Variants in RBFOX1 observed in about 807,000 individuals in gnomAD.
RBFOX1 encodes the protein RNA binding fox-1 homolog 1.
In RBFOX1, 8 loss-of-function variants were observed where a neutral mutation model predicts 57.7. The ratio of observed to expected loss-of-function variants is 0.14; its 90% confidence interval spans 0.08 to 0.25. The LOEUF is 0.25. Among genes scored for constraint, RBFOX1 ranks in the 10% least tolerant of loss-of-function variants. The probability of loss-of-function intolerance (pLI) is 1.00; values close to 1 mark genes in which losing one functional copy is unlikely to be tolerated. For synonymous variants in RBFOX1, 326 were observed against 222.4 expected, an observed-to-expected ratio of 1.47 and a Z score of -4.15; for missense variants, 611 against 548.5, an observed-to-expected ratio of 1.11 and a Z score of -1.14.
intron 3 of RBFOX1, among the ~76,000 whole-genome samples, chr16:6,802,458 C>T (rs2085704921): frequency 6.6e-6 from 1 of 152,126 alleles, no homozygotes; most frequent in Non-Finnish European, 1.5e-5. Context: ...GGGCACATCA[C>T]CTGAGGTCAG....
At position 6,560,956 on chromosome 16, in the gene RBFOX1, C is replaced by CTGTA. The variant is rs1315768251; in HGVS notation, c.-63-93646_-63-93643dup. Among the ~76,000 whole-genome samples the CTGTA allele has an allele frequency of 1.3e-4, 20 of 152,310 alleles. No homozygotes were observed. The East Asian group carries it at 3.7e-3, about 28-fold the overall frequency. ...GGCATTCATCCCTCAGAGGCATGTGCTGTAGATAGTCAATGTGCAAATTTC... is the reference window on the plus strand; with the variant it reads ...GGCATTCATCCCTCAGAGGCATGTGCTGTATGTAGATAGTCAATGTGCAAATTTC... On this transcript the variant is annotated intron_variant, in intron 2 of 15. Coordinates refer to ENST00000550418, the MANE Select transcript of RBFOX1 (RefSeq NM_018723.4).
chr16:5,587,188 A>G (rs1429004563), intron 2 of RBFOX1, among the ~76,000 whole-genome samples: 1 of 152,204 alleles, frequency 6.6e-6, no homozygotes, highest in African/African-American at 2.4e-5. Flanking sequence ...ATATATGCAA[A>G]TTGCATATCT....
At chr16:7,315,297 T>A (rs529019050) in intron 4 of RBFOX1, among the ~76,000 whole-genome samples, 1 of 152,254 alleles carries the variant, frequency 6.6e-6, no homozygotes, top group East Asian at 1.9e-4. Context: ...GTAATATTTT[T>A]GTCTATGATA....
At chr16:6,130,082 A>C (rs2096619271) in intron 1 of RBFOX1, among the ~76,000 whole-genome samples, 1 of 152,200 alleles carries the variant, frequency 6.6e-6, no homozygotes, top group Admixed American at 6.5e-5. Flanking sequence ...GATATAATGA[A>C]GTAAAAATAG....
chr16:5,873,689 G>T (rs192199536), intron 4 of RBFOX1, among the ~76,000 whole-genome samples: 95 of 152,312 alleles, frequency 6.2e-4, no homozygotes, highest in African/African-American at 2.2e-3. Context: ...AAATGCTGTA[G>T]TTTCACTTGT....
chr16:6,655,993 A>G (rs1307497449), intron 3 of RBFOX1, among the ~76,000 whole-genome samples: 4 of 152,208 alleles, frequency 2.6e-5, no homozygotes, highest in African/African-American at 7.2e-5. Flanking sequence ...AGTAAGTTCA[A>G]TTCAATCTGC....
chr16:6,948,253 G>A (rs1486868381), intron 3 of RBFOX1, among the ~76,000 whole-genome samples: 1 of 151,630 alleles, frequency 6.6e-6, no homozygotes, highest in African/African-American at 2.4e-5. Flanking sequence ...GCAATATTAT[G>A]AGACCATATC....
Position 5,651,040 on chromosome 16 carries a change from C to CTTTTTTTTTTTTT in RBFOX1, c.318+52097_318+52109dup, listed in dbSNP as rs869240597. On this transcript the variant is annotated intron_variant, in intron 3 of 19. Transcript: ENST00000641259. ...TCCTCTGGGAGAACACTACCTCCTT[C>CTTTTTTTTTTTTT]TTTTTTTTTTTTTTTTTTTTTTTTT... Among the ~76,000 whole-genome samples the CTTTTTTTTTTTTT allele has an allele frequency of 6.9e-3, 390 of 56,896 alleles. 111 individuals are homozygous for CTTTTTTTTTTTTT. Among genetic ancestry groups the CTTTTTTTTTTTTT allele is most frequent in the Middle Eastern group, 0.038 (2 of 52 alleles). 37.3% of individuals were successfully genotyped at this position (56,896 alleles called of 152,430 possible). A position where few individuals can be genotyped will look rare whatever the true frequency, so the allele number is the denominator to read the frequency against.
intron 7 of RBFOX1, among the ~76,000 whole-genome samples, chr16:7,593,862 G>A (rs1309091449): frequency 1.3e-5 from 2 of 152,078 alleles, no homozygotes; most frequent in Non-Finnish European, 2.9e-5. Context: ...ATAGAATCCC[G>A]ACAAATAATC....
chr16:6,881,004 G>T (rs966489646), intron 3 of RBFOX1, among the ~76,000 whole-genome samples: 1 of 152,174 alleles, frequency 6.6e-6, no homozygotes, highest in Admixed American at 6.6e-5. Context: ...AGGCAGGGCT[G>T]AAAAATACGT....
At chr16:6,156,549 A>T (rs7191026) in intron 1 of RBFOX1, among the ~76,000 whole-genome samples, 1 of 152,044 alleles carries the variant, frequency 6.6e-6, no homozygotes, top group African/African-American at 2.4e-5. Context: ...TCTTTTGGCA[A>T]AGTTGTGTGG....
At chr16:7,223,781 A>T (rs1299906537) in intron 4 of RBFOX1, among the ~76,000 whole-genome samples, 1 of 151,152 alleles carries the variant, frequency 6.6e-6, no homozygotes, top group Non-Finnish European at 1.5e-5. Context: ...TTTTGTTTTC[A>T]TTTCTGTCTG....
chr16:6,934,376 C>T (rs1323568610), intron 3 of RBFOX1, among the ~76,000 whole-genome samples: 1 of 152,090 alleles, frequency 6.6e-6, no homozygotes, highest in Non-Finnish European at 1.5e-5. Context: ...TATTTTTTTA[C>T]ATGCAGAGAA....
chr16:7,033,184 G>T (rs553718532), intron 3 of RBFOX1, among the ~76,000 whole-genome samples: 32 of 152,098 alleles, frequency 2.1e-4, no homozygotes, highest in Non-Finnish European at 4.1e-4. Context: ...GTTGATTTTA[G>T]GGATTATAGG....
chr16:7,251,676 T>C (rs1440278681), intron 4 of RBFOX1, among the ~76,000 whole-genome samples: 1 of 152,122 alleles, frequency 6.6e-6, no homozygotes, highest in Non-Finnish European at 1.5e-5. Flanking sequence ...CACCTCAGCC[T>C]CGCAAAGTCG....
At chr16:5,630,824 G>C (rs1362120011) in intron 3 of RBFOX1, among the ~76,000 whole-genome samples, 1 of 152,196 alleles carries the variant, frequency 6.6e-6, no homozygotes, top group African/African-American at 2.4e-5. Flanking sequence ...GTGTGGATGA[G>C]GAAGTCATTT....
At chr16:7,709,563 G>C (rs1236415870) in intron 15 of RBFOX1, 1 of 1,531,392 alleles carries the variant, frequency 6.5e-7, no homozygotes, top group Non-Finnish European at 8.7e-7. Flanking sequence ...TCTGCTGTCA[G>C]GCAGCTGAGA....
intron 3 of RBFOX1, among the ~76,000 whole-genome samples, chr16:6,656,463 C>T (rs577165883): frequency 6.6e-6 from 1 of 152,132 alleles, no homozygotes; most frequent in African/African-American, 2.4e-5. Context: ...ATGTGAACTG[C>T]CTTTGGTTAA....
chr16:7,129,489 A>G (rs1209768160), intron 4 of RBFOX1, among the ~76,000 whole-genome samples: 1 of 152,154 alleles, frequency 6.6e-6, no homozygotes, highest in Non-Finnish European at 1.5e-5. Context: ...TGGTAGGGGC[A>G]ATTGGGTAAA....
Sources: gnomAD v4.1 joint callset for allele counts (sites outside exome capture counted in the v4.1 genomes callset) on GRCh38, gnomAD v4.1.1 for gene constraint, MANE v1.5 for transcripts, NCBI Gene and HGNC (gene_info 2026-07-23, HGNC 2026-07-21) for gene names.